The following SH3RF1 variants were observed in gnomAD, a reference collection of about 807,000 sequenced individuals.
SH3RF1 encodes SH3 domain containing ring finger 1.
Under a neutral mutation model 74.0 loss-of-function variants are expected in SH3RF1, and 32 were observed. The observed-to-expected ratio is 0.43, with a 90% CI of 0.33 to 0.58. SH3RF1 has a LOEUF of 0.58. Among genes scored for constraint, SH3RF1 ranks in the 20% least tolerant of loss-of-function variants. SH3RF1 has a pLI of 0.05. For missense variants in SH3RF1, 954 were observed against 1,130.9 expected (o/e 0.84, Z 2.24); for synonymous variants, 396 against 439.6 (o/e 0.90, Z 1.24).
intron 2 of SH3RF1, among the ~76,000 whole-genome samples, chr4:169,244,851 TA>T (rs1730969336): frequency 6.6e-6 from 1 of 152,214 alleles, no homozygotes; most frequent in Non-Finnish European, 1.5e-5. Context: ...TGTATTAATT[TA>T]AAAGTGGTAT....
chr4:169,217,011 A>C, intron 2 of SH3RF1, among the ~76,000 whole-genome samples: 1 of 140,464 alleles, frequency 7.1e-6, no homozygotes, highest in South Asian at 2.5e-4. Context: ...AAAAAAAAAA[A>C]AACCAGCCAG....
At chr4:169,100,997 C>T (rs1406905017) in intron 11 of SH3RF1, among the ~76,000 whole-genome samples, 1 of 152,168 alleles carries the variant, frequency 6.6e-6, no homozygotes, top group Non-Finnish European at 1.5e-5. Flanking sequence ...ATCTCCAGCC[C>T]CATGGCTGGA....
In SH3RF1 at chr4:169,117,720, C is replaced by T; in HGVS notation, c.1580G>A (p.Gly527Glu). 2 of 1,614,164 alleles carry T rather than the reference C, an allele frequency of 1.2e-6. No homozygotes were observed. The highest frequency in any genetic ancestry group is 1.7e-6 in the Non-Finnish European group (2 of 1,180,034). The change falls in exon 9 of 12, where the codon GGA becomes GAA. Residue 527 changes from glycine to glutamate, a missense_variant. By Grantham distance (98) the Gly-to-Glu change is moderately conservative (BLOSUM62 -2). Around this residue, in one of 3 missense-constraint regions of SH3RF1, gnomAD observed 854 missense variants for 962.5 expected, o/e 0.89. Coordinates refer to ENST00000284637, the MANE Select transcript of SH3RF1 (RefSeq NM_020870.4). ...PMSTAGQTSR[G>E]VTMVSPSTAG... is the part of the protein sequence containing the mutation. Reference sequence around the variant, plus strand: ...CGTGGAAGGACTGACCATGGTCACTCCCCGACTTGTCTGGCCAGCTGTAGA... The same window carrying T: ...CGTGGAAGGACTGACCATGGTCACTTCCCGACTTGTCTGGCCAGCTGTAGA...
At position 169,095,696 on chromosome 4, in the gene SH3RF1, A is replaced by G. The variant is rs1358183777; in HGVS notation, c.*823T>C. On this transcript the variant is annotated 3_prime_UTR_variant, in exon 12 of 12. Coordinates refer to ENST00000284637, the MANE Select transcript of SH3RF1 (RefSeq NM_020870.4). Reference sequence around the variant, plus strand: ...ATTTCCCCTACTTTCCAACCAAACAATTGAGCTGCTTCTGCTATAAAACTA... The same window carrying G: ...ATTTCCCCTACTTTCCAACCAAACAGTTGAGCTGCTTCTGCTATAAAACTA... 6.6e-6 allele frequency: 1 copy of G among 152,596 alleles called. No individual in the cohort carries two copies. The highest frequency in any genetic ancestry group is 1.9e-4 in the East Asian group (1 of 5,200). The allele number at this position is 152,596 out of a possible 1,614,324, so 9.5% of individuals were successfully genotyped here.
chr4:169,149,113 TAAAC>T (rs1733936850), intron 4 of SH3RF1, among the ~76,000 whole-genome samples: 1 of 152,196 alleles, frequency 6.6e-6, no homozygotes, highest in African/African-American at 2.4e-5. Flanking sequence ...GGGAACTCCA[TAAAC>T]ATTAACCGAT....
At chr4:169,216,925 C>A (rs577308907) in intron 2 of SH3RF1, among the ~76,000 whole-genome samples, 1 of 148,042 alleles carries the variant, frequency 6.8e-6, no homozygotes, top group Non-Finnish European at 1.5e-5. Flanking sequence ...CCGAGGCAGG[C>A]GGATCACTTG....
chr4:169,100,687 G>A (rs1179897269), intron 11 of SH3RF1, among the ~76,000 whole-genome samples: 1 of 152,144 alleles, frequency 6.6e-6, no homozygotes, highest in Non-Finnish European at 1.5e-5. Context: ...GCTACCCACT[G>A]CCAAAAAATC....
chr4:169,153,993 T>A (rs1189348105), intron 4 of SH3RF1, among the ~76,000 whole-genome samples: 1 of 152,146 alleles, frequency 6.6e-6, no homozygotes, highest in African/African-American at 2.4e-5. Context: ...TTTTCATGCA[T>A]CACAAACCAA....
At chr4:169,180,396 A>T (rs1034856185) in intron 2 of SH3RF1, among the ~76,000 whole-genome samples, 1 of 152,256 alleles carries the variant, frequency 6.6e-6, no homozygotes, top group African/African-American at 2.4e-5. Context: ...ATAATTAGCC[A>T]GTTACAATAA....
intron 2 of SH3RF1, among the ~76,000 whole-genome samples, chr4:169,224,957 AG>A (rs1335670450): frequency 6.6e-6 from 1 of 152,220 alleles, no homozygotes; most frequent in Non-Finnish European, 1.5e-5. Flanking sequence ...AGGGTGCCCA[AG>A]GGTTTTATAC....
At chr4:169,135,351 G>T (rs935140671) in intron 5 of SH3RF1, among the ~76,000 whole-genome samples, 1 of 151,654 alleles carries the variant, frequency 6.6e-6, no homozygotes. Flanking sequence ...TCATTTTAAT[G>T]TTTAAAGAAA....
chr4:169,119,196 C>T (rs1471597146), intron 8 of SH3RF1, among the ~76,000 whole-genome samples: 1 of 151,768 alleles, frequency 6.6e-6, no homozygotes, highest in Non-Finnish European at 1.5e-5. Context: ...CTCCGCCTCC[C>T]AGGTTCAAGT....
intron 6 of SH3RF1, 86 bp downstream of exon 6, chr4:169,129,960 G>A (rs1170067465): frequency 4.2e-6 from 4 of 962,240 alleles, no homozygotes; most frequent in Non-Finnish European, 4.9e-6. Context: ...ATGAACATAC[G>A]CTGCAGGTGT....
intron 2 of SH3RF1, among the ~76,000 whole-genome samples, chr4:169,169,011 T>C (rs1159953383): frequency 5.9e-5 from 9 of 152,174 alleles, no homozygotes; most frequent in Non-Finnish European, 1.3e-4. Flanking sequence ...TACAATGTCA[T>C]TAGGAAAAGC....
intron 6 of SH3RF1, among the ~76,000 whole-genome samples, chr4:169,123,717 C>T (rs1733478841): frequency 6.6e-6 from 1 of 152,084 alleles, no homozygotes; most frequent in African/African-American, 2.4e-5. Flanking sequence ...CGGTGAAACC[C>T]CATCTCTACT....
chr4:169,111,521 T>C (rs534084823), intron 10 of SH3RF1, among the ~76,000 whole-genome samples: 102 of 151,974 alleles, frequency 6.7e-4, no homozygotes, highest in African/African-American at 2.3e-3. Context: ...CACCCTGGTC[T>C]CCCAAACTTT....
chr4:169,201,575 TA>T (rs1579134248), intron 2 of SH3RF1, among the ~76,000 whole-genome samples: 1 of 152,232 alleles, frequency 6.6e-6, no homozygotes, highest in East Asian at 1.9e-4. Context: ...ATCTCAAATC[TA>T]AAAGCCACTT....
intron 2 of SH3RF1, among the ~76,000 whole-genome samples, chr4:169,159,052 G>C (rs1364619174): frequency 6.6e-6 from 1 of 152,054 alleles, no homozygotes; most frequent in Non-Finnish European, 1.5e-5. Flanking sequence ...TGTGACCTCT[G>C]ACTTTCAGAC....
At chr4:169,183,674 G>T (rs1389284355) in intron 2 of SH3RF1, among the ~76,000 whole-genome samples, 1 of 151,626 alleles carries the variant, frequency 6.6e-6, no homozygotes, top group Non-Finnish European at 1.5e-5. Context: ...CTTGAGCCTA[G>T]GAGTTCCATG....
Sources: allele counts gnomAD v4.1 joint callset (sites outside exome capture counted in the v4.1 genomes callset), GRCh38; gene constraint gnomAD v4.1.1; regional missense constraint gnomAD v4.1.1; transcripts MANE v1.5; gene names NCBI Gene and HGNC (gene_info 2026-07-23, HGNC 2026-07-21).